SGCD: variants seen among roughly 807,000 people sequenced by gnomAD.
SGCD encodes the protein sarcoglycan delta.
A neutral mutation model predicts 36.6 loss-of-function variants in SGCD; 18 were observed. The observed-to-expected ratio is 0.49, with a 90% CI of 0.34 to 0.73. The LOEUF (loss-of-function observed/expected upper bound fraction) is 0.73, where lower values mean the gene tolerates loss of function less well. SGCD is among the 30% of genes least tolerant of loss of function. The probability of loss-of-function intolerance (pLI) is 0.01; values close to 1 mark genes in which losing one functional copy is unlikely to be tolerated. For missense variants in SGCD, 387 were observed against 346.7 expected (o/e 1.12, Z -0.92); for synonymous variants, 133 against 130.6 (o/e 1.02, Z -0.12).
chr5:156,538,911 CAG>C (rs1457559952), intron 4 of SGCD, among the ~76,000 whole-genome samples: 2 of 151,954 alleles, frequency 1.3e-5, no homozygotes, highest in African/African-American at 4.8e-5. Context: ...TAATTTAAAT[CAG>C]GGGTGTAGAT....
intron 1 of SGCD, among the ~76,000 whole-genome samples, chr5:155,932,756 A>C (rs894901380): frequency 6.6e-6 from 1 of 152,188 alleles, no homozygotes. Flanking sequence ...TATTTAATGA[A>C]TCATGAACCA....
At chr5:156,335,502 C>T (rs112991370) in intron 2 of SGCD, among the ~76,000 whole-genome samples, 3 of 152,236 alleles carry the variant, frequency 2.0e-5, no homozygotes, top group Admixed American at 6.5e-5. Flanking sequence ...GTCTTCCTTC[C>T]CCTTGAAGTC....
At chr5:156,361,277 T>G (rs1769779798) in intron 3 of SGCD, among the ~76,000 whole-genome samples, 1 of 152,338 alleles carries the variant, frequency 6.6e-6, no homozygotes, top group Non-Finnish European at 1.5e-5. Flanking sequence ...ACCAAAAGGA[T>G]GATTCGGAAA....
At chr5:155,946,835 A>G (rs1282829939) in intron 1 of SGCD, among the ~76,000 whole-genome samples, 1 of 152,226 alleles carries the variant, frequency 6.6e-6, no homozygotes, top group Non-Finnish European at 1.5e-5. Flanking sequence ...AACCGAATGT[A>G]GCCATCACAT....
intron 3 of SGCD, among the ~76,000 whole-genome samples, chr5:156,497,654 A>G (rs1756258273): frequency 6.6e-6 from 1 of 152,018 alleles, no homozygotes; most frequent in South Asian, 2.1e-4. Context: ...TCACACACAC[A>G]CACACACACA....
chr5:156,347,801 A>C (rs1248528842), intron 3 of SGCD, among the ~76,000 whole-genome samples: 2 of 152,180 alleles, frequency 1.3e-5, no homozygotes, highest in Non-Finnish European at 2.9e-5. Context: ...GACTTAATAG[A>C]AGTATATGTA....
intron 2 of SGCD, among the ~76,000 whole-genome samples, chr5:156,330,650 A>G (rs188576392): frequency 6.6e-5 from 10 of 152,304 alleles, no homozygotes; most frequent in African/African-American, 2.2e-4. Context: ...GACAAAAACT[A>G]TGGCTCCTTG....
rs796540027 is a variant in SGCD, at chr5:156,767,500, A to C, written c.*8110A>C. The C allele has an allele frequency of 2.3e-3, 351 of 151,838 alleles. 1 individual carries two copies. The highest frequency in any genetic ancestry group is 8.0e-3 in the African/African-American group (332 of 41,434). 9.4% of individuals were successfully genotyped at this position (151,838 alleles called of 1,614,324 possible). A position where few individuals can be genotyped will look rare whatever the true frequency, so the allele number is the denominator to read the frequency against. On this transcript the variant is annotated 3_prime_UTR_variant, in exon 9 of 9. Transcript: ENST00000337851. ...GGAGATTTTGAAAAAAAAAAAAAAAAAAAACCCATTCCCATAAAGTAATTG... is the reference window on the plus strand; with the variant it reads ...GGAGATTTTGAAAAAAAAAAAAAAACAAAACCCATTCCCATAAAGTAATTG...
intron 3 of SGCD, among the ~76,000 whole-genome samples, chr5:156,348,180 G>GA (rs1235622804): frequency 5.9e-5 from 9 of 151,996 alleles, no homozygotes; most frequent in Admixed American, 3.9e-4. Context: ...TGGAGAAAGA[G>GA]AAAAAAATCA....
At chr5:155,860,893 T>G in the SGCD span, among the ~76,000 whole-genome samples, 1 of 152,234 alleles carries the variant, frequency 6.6e-6, no homozygotes, top group Non-Finnish European at 1.5e-5. Flanking sequence ...AGCTCTAAAG[T>G]ATAATGCAAG....
intron 1 of SGCD, among the ~76,000 whole-genome samples, chr5:156,078,520 A>AAATAT (rs1554117575): frequency 8.0e-6 from 1 of 125,530 alleles, no homozygotes; most frequent in East Asian, 3.2e-4. Flanking sequence ...CAAAAAAAAA[A>AAATAT]ATATATATAT....
chr5:156,521,214 A>G (rs1458669613), intron 4 of SGCD, among the ~76,000 whole-genome samples: 1 of 152,192 alleles, frequency 6.6e-6, no homozygotes, highest in Non-Finnish European at 1.5e-5. Flanking sequence ...AAGGTGGATT[A>G]AAGACTTAAA....
At chr5:155,930,520 A>G (rs1388202145) in intron 1 of SGCD, among the ~76,000 whole-genome samples, 1 of 152,184 alleles carries the variant, frequency 6.6e-6, no homozygotes. Flanking sequence ...GCTAATGTGA[A>G]TGGTCTTTAG....
At chr5:156,454,754 G>C (rs530754912) in intron 3 of SGCD, among the ~76,000 whole-genome samples, 1 of 152,148 alleles carries the variant, frequency 6.6e-6, no homozygotes, top group Non-Finnish European at 1.5e-5. Flanking sequence ...CTTGAAGATG[G>C]AATGAAGGCT....
chr5:156,213,961 A>C (rs1030360401), intron 3 of SGCD, among the ~76,000 whole-genome samples: 1 of 151,982 alleles, frequency 6.6e-6, no homozygotes, highest in Admixed American at 6.5e-5. Flanking sequence ...ACCTCAACAC[A>C]ATGAAGGTTG....
At chr5:156,260,242 A>G (rs1044036178) in intron 3 of SGCD, among the ~76,000 whole-genome samples, 1 of 152,162 alleles carries the variant, frequency 6.6e-6, no homozygotes, top group Non-Finnish European at 1.5e-5. Context: ...TATTCTTTGC[A>G]TTTCCAAATT....
chr5:156,121,970 T>A (rs1762052096), intron 2 of SGCD, among the ~76,000 whole-genome samples: 1 of 152,170 alleles, frequency 6.6e-6, no homozygotes, highest in Non-Finnish European at 1.5e-5. Context: ...CTCCTAGAAA[T>A]AGTTTTGGGG....
Position 156,499,307 on chromosome 5 carries a change from C to A in SGCD, c.193-9294C>A, listed in dbSNP as rs532962175. The stretch of plus-strand genomic sequence containing the variant: ...TAAAATTCACATGGATGAGCACTTT[C>A]TGAACAATCTCTAGCCGATTTCTTT... On this transcript the variant is annotated intron_variant, in intron 3 of 8. Coordinates refer to ENST00000337851, the MANE Select transcript of SGCD (RefSeq NM_000337.6). Among the ~76,000 whole-genome samples, 6 of 152,242 alleles carry A rather than the reference C, an allele frequency of 3.9e-5. No individual in the cohort carries two copies. In the East Asian group the frequency reaches 1.2e-3, roughly 29 times the overall value.
At chr5:156,536,603 GTTT>G (rs1758124014) in intron 4 of SGCD, among the ~76,000 whole-genome samples, 1 of 150,616 alleles carries the variant, frequency 6.6e-6, no homozygotes, top group Non-Finnish European at 1.5e-5. Flanking sequence ...TTGTTTGTTT[GTTT>G]GTTTGTTTGT....
Sources: gnomAD v4.1 joint callset for allele counts (sites outside exome capture counted in the v4.1 genomes callset) on GRCh38, gnomAD v4.1.1 for gene constraint, MANE v1.5 for transcripts, NCBI Gene and HGNC (gene_info 2026-07-23, HGNC 2026-07-21) for gene names.